Variants in ST6GAL1 observed in about 807,000 individuals in gnomAD.
The protein encoded by ST6GAL1 is beta-galactoside alpha-2,6-sialyltransferase 1.
A neutral mutation model predicts 38.0 loss-of-function variants in ST6GAL1; 20 were observed. The ratio of observed to expected loss-of-function variants is 0.53; its 90% CI spans 0.37 to 0.77. The LOEUF (loss-of-function observed/expected upper bound fraction) is 0.77, where lower values mean the gene tolerates loss of function less well. ST6GAL1 is among the 30% of genes least tolerant of loss of function. The pLI, the probability that ST6GAL1 is intolerant of heterozygous loss-of-function variation, is 0.00. For missense variants in ST6GAL1, 432 were observed against 496.4 expected (o/e 0.87, Z 1.23); for synonymous variants, 196 against 188.2 (o/e 1.04, Z -0.34).
chr3:187,028,394 A>G (rs919478829), intron 2 of ST6GAL1, among the ~76,000 whole-genome samples: 2 of 152,224 alleles, frequency 1.3e-5, no homozygotes, highest in African/African-American at 2.4e-5. Flanking sequence ...CTGTCTAAGA[A>G]GAAAGGAGTT....
At position 187,075,959 on chromosome 3, in the gene ST6GAL1, C is replaced by A; in HGVS notation, c.*156C>A. The A allele has an allele frequency of 1.7e-6, 2 of 1,155,100 alleles. No homozygotes were observed. Among genetic ancestry groups the A allele is most frequent in the Non-Finnish European group, 2.4e-6 (2 of 841,562 alleles). The allele number at this position is 1,155,100 out of a possible 1,614,324, so 71.6% of individuals were successfully genotyped here. A position where few individuals can be genotyped will look rare whatever the true frequency, so the allele number is the denominator to read the frequency against. On this transcript the variant is annotated 3_prime_UTR_variant, in exon 8 of 8. Coordinates refer to ENST00000169298, the MANE Select transcript of ST6GAL1 (RefSeq NM_173216.2). This position sits in a 1 kb window ranked among gnomAD's most constrained non-coding sequence, Gnocchi z 4.1. ...CATGGGGACTTCAAGAGCCTGTGGT[C>A]AGGAAATCAGGTCCAGCCTTCCCTG...
At chr3:186,974,009 G>T (rs1169715760) in intron 2 of ST6GAL1, among the ~76,000 whole-genome samples, 2 of 152,188 alleles carry the variant, frequency 1.3e-5, no homozygotes, top group Non-Finnish European at 2.9e-5. Context: ...CGTGAATTGT[G>T]GGGGTTGCTG....
At chr3:187,029,929 A>G (rs1187310180) in intron 2 of ST6GAL1, among the ~76,000 whole-genome samples, 1 of 152,188 alleles carries the variant, frequency 6.6e-6, no homozygotes, top group Non-Finnish European at 1.5e-5. Flanking sequence ...ACTAGTTGGA[A>G]TAGGCTGCAT....
At chr3:186,933,970 C>T (rs555258279) in intron 1 of ST6GAL1, among the ~76,000 whole-genome samples, 40 of 152,314 alleles carry the variant, frequency 2.6e-4, no homozygotes, top group African/African-American at 9.1e-4. Flanking sequence ...TCACTTTACT[C>T]TTGTGCTGGG....
chr3:186,949,680 A>G (rs369397006), intron 1 of ST6GAL1, among the ~76,000 whole-genome samples: 13 of 152,214 alleles, frequency 8.5e-5, no homozygotes, highest in South Asian at 4.2e-4. Context: ...ACCGTTTGCA[A>G]TGTCACCTTC....
At chr3:187,027,228 C>T (rs1230190581) in intron 2 of ST6GAL1, among the ~76,000 whole-genome samples, 1 of 152,154 alleles carries the variant, frequency 6.6e-6, no homozygotes, top group Non-Finnish European at 1.5e-5. Flanking sequence ...GTCACTTACA[C>T]TCCATTTCTG....
At chr3:186,945,310 TAAAA>T (rs879622812) in intron 1 of ST6GAL1, among the ~76,000 whole-genome samples, 22 of 134,316 alleles carry the variant, frequency 1.6e-4, no homozygotes, top group African/African-American at 4.9e-4. Flanking sequence ...TGTCTCTATT[TAAAA>T]AAAAAAAAAA....
intron 1 of ST6GAL1, among the ~76,000 whole-genome samples, chr3:186,953,591 C>T (rs970797410): frequency 2.0e-5 from 3 of 152,302 alleles, no homozygotes; most frequent in Non-Finnish European, 2.9e-5. Flanking sequence ...ATCTGAGTTA[C>T]TACCCTGTGT....
intron 1 of ST6GAL1, among the ~76,000 whole-genome samples, chr3:186,957,516 C>T (rs1020355164): frequency 4.0e-5 from 6 of 151,448 alleles, no homozygotes; most frequent in East Asian, 3.9e-4. Flanking sequence ...TAGTAAGACT[C>T]GCAGAAAAAG....
chr3:186,950,152 A>C (rs1560139096), intron 1 of ST6GAL1, among the ~76,000 whole-genome samples: 1 of 152,146 alleles, frequency 6.6e-6, no homozygotes, highest in Non-Finnish European at 1.5e-5. Context: ...GAAGGCCAGA[A>C]AAAGAGATGA....
At chr3:186,989,466 G>T (rs1180925445) in intron 2 of ST6GAL1, among the ~76,000 whole-genome samples, 1 of 152,172 alleles carries the variant, frequency 6.6e-6, no homozygotes, top group African/African-American at 2.4e-5. Flanking sequence ...GCCACTTTTT[G>T]TTGCTACTGA....
At chr3:186,983,698 T>G (rs1715768505) in intron 2 of ST6GAL1, among the ~76,000 whole-genome samples, 1 of 152,134 alleles carries the variant, frequency 6.6e-6, no homozygotes, top group African/African-American at 2.4e-5. Context: ...TTGCCTCATT[T>G]TTTCCTCATA....
intron 1 of ST6GAL1, among the ~76,000 whole-genome samples, chr3:186,944,506 AGAT>A (rs1031406089): frequency 3.0e-4 from 45 of 152,382 alleles, no homozygotes; most frequent in African/African-American, 1.0e-3. Context: ...TGCAAAATCA[AGAT>A]TATTGAAAAC....
At chr3:187,001,331 T>G (rs552096146) in intron 2 of ST6GAL1, among the ~76,000 whole-genome samples, 1 of 152,222 alleles carries the variant, frequency 6.6e-6, no homozygotes, top group Non-Finnish European at 1.5e-5. Context: ...ATTTTACCTT[T>G]CTCTGCCTCA....
intron 4 of ST6GAL1, among the ~76,000 whole-genome samples, chr3:187,048,480 C>T (rs749003163): frequency 2.6e-5 from 4 of 152,306 alleles, no homozygotes; most frequent in East Asian, 1.9e-4. Flanking sequence ...AGCTCCAAGG[C>T]ATTCCCTGAA....
intron 2 of ST6GAL1, among the ~76,000 whole-genome samples, chr3:186,996,297 C>T (rs1378864975): frequency 6.6e-6 from 1 of 152,150 alleles, no homozygotes; most frequent in Non-Finnish European, 1.5e-5. Context: ...CTTAGCTTAA[C>T]TAGAAATAAT....
chr3:186,995,306 A>G (rs1003286165), intron 2 of ST6GAL1, among the ~76,000 whole-genome samples: 2 of 151,770 alleles, frequency 1.3e-5, no homozygotes, highest in Non-Finnish European at 2.9e-5. Context: ...CAGGAGATTG[A>G]GACCATCCTG....
intron 1 of ST6GAL1, among the ~76,000 whole-genome samples, chr3:186,938,985 A>T (rs1259149533): frequency 8.3e-6 from 1 of 120,350 alleles, no homozygotes; most frequent in African/African-American, 3.1e-5. Context: ...GAGGATTGGG[A>T]GTCAGGAGAG....
intron 3 of ST6GAL1, chr3:187,041,851 GT>G (rs1383094916): frequency 6.6e-6 from 1 of 152,232 alleles, no homozygotes; most frequent in African/African-American, 2.4e-5. Flanking sequence ...GGTGGCCCTG[GT>G]TATGGTGAAG....
Sources: allele counts gnomAD v4.1 joint callset (sites outside exome capture counted in the v4.1 genomes callset), GRCh38; gene constraint gnomAD v4.1.1; non-coding constraint Gnocchi (gnomAD v3.1); transcripts MANE v1.5; gene names NCBI Gene and HGNC (gene_info 2026-07-23, HGNC 2026-07-21).